NPR2: variants seen among roughly 807,000 people sequenced by gnomAD.
NPR2 encodes atrial natriuretic peptide receptor 2.
NPR2 carries 49 observed loss-of-function variants against 120.7 expected under a neutral mutation model. The observed-to-expected ratio is 0.41, with a 90% CI of 0.32 to 0.52. The LOEUF (loss-of-function observed/expected upper bound fraction) is 0.52. Among genes scored for constraint, NPR2 ranks in the 20% least tolerant of loss-of-function variants. The pLI is 0.36. For synonymous variants in NPR2, 484 were observed against 519.8 expected (o/e 0.93, Z 0.94); for missense variants, 931 against 1,362.9 (o/e 0.68, Z 4.99).
Position 35,805,637 on chromosome 9 carries a change from G to T in NPR2, c.2014G>T (p.Ala672Ser). 3 of 1,614,148 alleles carry T rather than the reference G, an allele frequency of 1.9e-6. No individual in the cohort carries two copies. In the South Asian group the frequency reaches 3.3e-5, roughly 18 times the overall value. ...DYGLASFRST[A>S]EPDDSHALYA... ...TGGCCTGGCCAGCTTCCGATCAACT[G>T]CTGAACCTGATGACAGCCATGCCCT... The change falls in exon 13 of 22, where the codon GCT becomes TCT. Residue 672 changes from alanine to serine, a missense_variant. Ala to Ser is a moderately conservative substitution (Grantham distance 99). Transcript: ENST00000342694. This position sits in a 1 kb window ranked among gnomAD's most constrained non-coding sequence, Gnocchi z 4.9.
Position 35,800,307 on chromosome 9 carries a change from C to A in NPR2, c.1124-82C>A. ...CACCTCAAGATCGGGGAAGGGTAGA[C>A]TCTGAGGGAGCCGTAGGCATGAGTG... On this transcript the variant is annotated intron_variant, in intron 4 of 21. Transcript: ENST00000342694. This position sits in a 1 kb window ranked among gnomAD's most constrained non-coding sequence, Gnocchi z 4.7. 1 of 1,445,428 alleles carries A rather than the reference C, an allele frequency of 6.9e-7. No homozygotes were observed. The highest frequency in any genetic ancestry group is 9.7e-7 in the Non-Finnish European group (1 of 1,026,252). The allele number at this position is 1,445,428 out of a possible 1,614,324, so 89.5% of individuals were successfully genotyped here. A position where few individuals can be genotyped will look rare whatever the true frequency, so the allele number is the denominator to read the frequency against.
At position 35,806,175 on chromosome 9, in the gene NPR2, G is replaced by A; in HGVS notation, c.2314G>A (p.Asp772Asn). Residue 772 changes from aspartate (D) to asparagine (N), a missense_variant, in exon 15 of 22, where the codon GAC (aspartate) becomes AAC (asparagine). Physicochemically the swap from Asp to Asn is conservative, Grantham distance 23 (BLOSUM62 1). This residue lies in a region of NPR2 where 66 missense variants were observed against 60.3 expected (regional missense o/e 1.09). Coordinates refer to ENST00000342694, the MANE Select transcript of NPR2 (RefSeq NM_003995.4). The surrounding 1 kb of genome is among the most constrained non-coding windows in gnomAD (Gnocchi z 4.6). Reference sequence around the variant, plus strand: ...GCTGATGGAGCGATGTTGGGCTCAGGACCCAGCTGAGCGGCCAGACTTTGG... The same window carrying A: ...GCTGATGGAGCGATGTTGGGCTCAGAACCCAGCTGAGCGGCCAGACTTTGG... ...VLLMERCWAQ[D>N]PAERPDFGQI... The A allele has an allele frequency of 6.2e-7, 1 of 1,614,206 alleles. No homozygotes were observed. Among genetic ancestry groups the A allele is most frequent in the Admixed American group, 1.7e-5 (1 of 60,026 alleles).
Position 35,809,263 on chromosome 9 carries a change from G to T in NPR2, c.3078+16G>T, listed in dbSNP as rs760800240. 26 of 1,612,910 alleles carry T rather than the reference G, an allele frequency of 1.6e-5. No individual in the cohort carries two copies. The Admixed American group carries it at 4.3e-4, about 27-fold the overall frequency. Reference sequence around the variant, plus strand: ...GGAAATGAAGGTGATGGCAGGCCATGGGGAGGGGGGCATGGAAAGGGAGGG... The same window carrying T: ...GGAAATGAAGGTGATGGCAGGCCATTGGGAGGGGGGCATGGAAAGGGAGGG... On this transcript the variant is annotated intron_variant, in intron 21 of 21. Coordinates refer to ENST00000342694, the MANE Select transcript of NPR2 (RefSeq NM_003995.4). The surrounding 1 kb of genome is among the most constrained non-coding windows in gnomAD (Gnocchi z 4.1).
chr9:35,794,962 G>T (rs1827904661), intron 2 of NPR2, among the ~76,000 whole-genome samples: 1 of 152,042 alleles, frequency 6.6e-6, no homozygotes, highest in South Asian at 2.1e-4. Flanking sequence ...GATATAGCTT[G>T]AACTAGTGTG....
rs751630887 is a variant in NPR2 at position 35,808,738 on chromosome 9, C to A, written c.2888-17C>A. On this transcript the variant is annotated splice_polypyrimidine_tract_variant and intron_variant, in intron 19 of 21. Transcript: ENST00000342694. The surrounding 1 kb of genome is among the most constrained non-coding windows in gnomAD (Gnocchi z 4.0). ...CTCCACCTTTCCCAGACTCTCCCAA[C>A]CTGTTTCTTCTCAAAGGGCCAGTCT... The A allele has an allele frequency of 1.2e-6, 2 of 1,612,144 alleles. No homozygotes were observed. Among genetic ancestry groups the A allele is most frequent in the East Asian group, 4.5e-5 (2 of 44,874 alleles).
intron 12 of NPR2, among the ~76,000 whole-genome samples, chr9:35,804,693 G>T (rs1828299889): frequency 6.6e-6 from 1 of 152,016 alleles, no homozygotes; most frequent in South Asian, 2.1e-4. Context: ...CCCTCTAGTA[G>T]ATCTTGTTCC....
chr9:35,794,820 G>A (rs1827898145), intron 2 of NPR2, among the ~76,000 whole-genome samples: 1 of 149,130 alleles, frequency 6.7e-6, no homozygotes, highest in African/African-American at 2.5e-5. Flanking sequence ...CTTGAATTTG[G>A]GGTCCTTGAC....
intron 1 of NPR2, 77 bp downstream of exon 1, chr9:35,793,152 T>A: frequency 7.2e-7 from 1 of 1,388,942 alleles, no homozygotes; most frequent in Non-Finnish European, 9.6e-7. Flanking sequence ...TGGGGAACTG[T>A]AGATGGAGAT....
chr9:35,806,950 C>T lies in NPR2; in HGVS notation c.2520-73C>T. On this transcript the variant is annotated intron_variant, in intron 16 of 21. Transcript: ENST00000342694. The surrounding 1 kb of genome is among the most constrained non-coding windows in gnomAD (Gnocchi z 4.6). ...TGTTACAGCTCATCTCTGCTGCAGC[C>T]ACATACACTTTCCCTCTCTCTTCCA... 2 of 1,539,416 alleles carry T rather than the reference C, an allele frequency of 1.3e-6. No homozygotes were observed. Among genetic ancestry groups the T allele is most frequent in the Non-Finnish European group, 1.8e-6 (2 of 1,115,048 alleles).
At chr9:35,796,404 C>T (rs749725703) in intron 2 of NPR2, among the ~76,000 whole-genome samples, 30 of 152,120 alleles carry the variant, frequency 2.0e-4, no homozygotes, top group Admixed American at 3.9e-4. Context: ...AGGCTGGTCT[C>T]GAACTCCTGG....
chr9:35,806,157 G>C lies in NPR2; in HGVS notation c.2296G>C (p.Glu766Gln), dbSNP rs763799241. ...QLNEELVLLMERCWAQDPAER... is the reference protein window; with the variant it reads ...QLNEELVLLMQRCWAQDPAER... ...GAATGAAGAGCTAGTTTTGCTGATG[G>C]AGCGATGTTGGGCTCAGGACCCAGC... Residue 766 changes from glutamate (E) to glutamine (Q), a missense_variant, in exon 15 of 22, where the codon GAG becomes CAG. By Grantham distance (29) the Glu-to-Gln change is conservative (BLOSUM62 2). Around this residue, in one of 3 missense-constraint regions of NPR2, gnomAD observed 66 missense variants for 60.3 expected, o/e 1.09. Transcript: ENST00000342694. The surrounding 1 kb of genome is among the most constrained non-coding windows in gnomAD (Gnocchi z 4.6). 3.6e-5 allele frequency: 58 copies of C among 1,614,122 alleles called. No individual in the cohort carries two copies. The highest frequency in any genetic ancestry group is 4.8e-5 in the Non-Finnish European group (57 of 1,180,052).
In NPR2 at chr9:35,792,451, G is replaced by T; in HGVS notation, c.43G>T (p.Gly15Cys). 1.2e-6 allele frequency: 2 copies of T among 1,611,378 alleles called. No individual in the cohort carries two copies. The highest frequency in any genetic ancestry group is 1.7e-6 in the Non-Finnish European group (2 of 1,179,838). ...SLLLLVAALAGGVRPPGARNL... is the reference protein window; with the variant it reads ...SLLLLVAALACGVRPPGARNL... ...TCTGCTGTTGGTGGCAGCCCTGGCAGGTGGGGTGCGTCCTCCCGGGGCGCG... is the reference window on the plus strand; with the variant it reads ...TCTGCTGTTGGTGGCAGCCCTGGCATGTGGGGTGCGTCCTCCCGGGGCGCG... Residue 15 changes from glycine to cysteine, a missense_variant, in exon 1 of 22, where the codon GGT (glycine) becomes TGT (cysteine). Physicochemically the swap from Gly to Cys is radical, Grantham distance 159. Transcript: ENST00000342694.
chr9:35,795,051 C>G (rs1412349924), intron 2 of NPR2, among the ~76,000 whole-genome samples: 2 of 152,180 alleles, frequency 1.3e-5, no homozygotes, highest in Non-Finnish European at 2.9e-5. Context: ...CTGTTCATTT[C>G]ACTCCTGCTC....
In NPR2 at chr9:35,792,837, C is replaced by T. The variant is rs763787421; in HGVS notation, c.429C>T (p.Gly143=). The T allele has an allele frequency of 3.7e-6, 6 of 1,614,196 alleles. No individual in the cohort carries two copies. The South Asian group carries it at 5.5e-5, about 15-fold the overall frequency. Residue 143 remains glycine (G), a synonymous_variant, in exon 1 of 22, where the codon GGC becomes GGT. Coordinates refer to ENST00000342694, the MANE Select transcript of NPR2 (RefSeq NM_003995.4). ...ATTATCGTACCCTGGTTCGCACTGGCCCCTCTGCTCCCAAGCTGGGTGAGT... is the reference window on the plus strand; with the variant it reads ...ATTATCGTACCCTGGTTCGCACTGGTCCCTCTGCTCCCAAGCTGGGTGAGT... ...NDHYRTLVRT[G]PSAPKLGEFV...
chr9:35,800,704 T>C lies in NPR2; in HGVS notation c.1219-5T>C. The C allele has an allele frequency of 1.2e-6, 2 of 1,614,082 alleles. No homozygotes were observed. The highest frequency in any genetic ancestry group is 1.7e-6 in the Non-Finnish European group (2 of 1,179,996). Reference sequence around the variant, plus strand: ...CTGTGGGCCCAGCTTTTTGCTTCCTTACAGCCTGCAGCCCACTACTCGGGA... The same window carrying C: ...CTGTGGGCCCAGCTTTTTGCTTCCTCACAGCCTGCAGCCCACTACTCGGGA... On this transcript the variant is annotated splice_region_variant and splice_polypyrimidine_tract_variant and intron_variant, in intron 5 of 21. Coordinates refer to ENST00000342694, the MANE Select transcript of NPR2 (RefSeq NM_003995.4). This position sits in a 1 kb window ranked among gnomAD's most constrained non-coding sequence, Gnocchi z 4.7.
chr9:35,796,335 GA>G (rs1827943826), intron 2 of NPR2, among the ~76,000 whole-genome samples: 1 of 152,184 alleles, frequency 6.6e-6, no homozygotes. Context: ...ACAGGCATAT[GA>G]CACCATGCCC....
chr9:35,802,430 T>C lies in NPR2; in HGVS notation c.1711-73T>C, dbSNP rs1350863960. ...CAACTAAGAGAAAGGTCCTCTTATG[T>C]AGTGGTAAGTTTCTGTATCTAATTT... On this transcript the variant is annotated intron_variant, in intron 10 of 21. Transcript: ENST00000342694. The surrounding 1 kb of genome is among the most constrained non-coding windows in gnomAD (Gnocchi z 4.2). 2 of 977,856 alleles carry C rather than the reference T, an allele frequency of 2.0e-6. No individual in the cohort carries two copies. Among genetic ancestry groups the C allele is most frequent in the Non-Finnish European group, 3.3e-6 (2 of 599,942 alleles). 60.6% of individuals were successfully genotyped at this position (977,856 alleles called of 1,614,324 possible).
rs1387395212 is a variant in NPR2, at chr9:35,791,788, C to T, written c.-621C>T. On this transcript the variant is annotated 5_prime_UTR_variant, in exon 1 of 22. Coordinates refer to ENST00000342694, the MANE Select transcript of NPR2 (RefSeq NM_003995.4). ...GGGCCGCCGTAGCTCCGGATGGGAC[C>T]AGCGCCCGGGCCCGTTAGTCCAAGC... Among the ~76,000 whole-genome samples the T allele has an allele frequency of 6.6e-6, 1 of 151,850 alleles. No individual in the cohort carries two copies. Among genetic ancestry groups the T allele is most frequent in the South Asian group, 2.1e-4 (1 of 4,824 alleles).
chr9:35,809,655 C>A lies in NPR2; in HGVS notation c.*210C>A. Reference sequence around the variant, plus strand: ...TCTGGCTTGGTCCCCTTCCTCCCTACTTTCTGTAAATATCTGTATCTAAAC... The same window carrying A: ...TCTGGCTTGGTCCCCTTCCTCCCTAATTTCTGTAAATATCTGTATCTAAAC... On this transcript the variant is annotated 3_prime_UTR_variant, in exon 22 of 22. Transcript: ENST00000342694. This position sits in a 1 kb window ranked among gnomAD's most constrained non-coding sequence, Gnocchi z 4.1. 2 of 1,124,908 alleles carry A rather than the reference C, an allele frequency of 1.8e-6. No homozygotes were observed. Among genetic ancestry groups the A allele is most frequent in the Non-Finnish European group, 2.7e-6 (2 of 745,790 alleles). The allele number at this position is 1,124,908 out of a possible 1,614,324, so 69.7% of individuals were successfully genotyped here. A position where few individuals can be genotyped will look rare whatever the true frequency, so the allele number is the denominator to read the frequency against.
Sources: allele counts gnomAD v4.1 joint callset (sites outside exome capture counted in the v4.1 genomes callset), GRCh38; gene constraint gnomAD v4.1.1; regional missense constraint gnomAD v4.1.1; non-coding constraint Gnocchi (gnomAD v3.1); transcripts MANE v1.5; gene names NCBI Gene and HGNC (gene_info 2026-07-23, HGNC 2026-07-21).